Variants in PCDHGA7 observed in about 807,000 individuals in gnomAD.
PCDHGA7 encodes protocadherin gamma subfamily A, 7.
A neutral mutation model predicts 58.3 loss-of-function variants in PCDHGA7; 44 were observed. The ratio of observed to expected loss-of-function variants is 0.75; its 90% CI spans 0.59 to 0.97. PCDHGA7 has a LOEUF of 0.97. PCDHGA7 is among the 50% of genes least tolerant of loss of function. The pLI, the probability that PCDHGA7 is intolerant of heterozygous loss-of-function variation, is 0.00. For missense variants in PCDHGA7, 1,266 were observed against 1,188.7 expected (o/e 1.06, Z -0.96); for synonymous variants, 516 against 504.2 (o/e 1.02, Z -0.31).
At chr5:141,419,359 G>C (rs1257423360) in intron 1 of PCDHGA7, 1 of 1,613,796 alleles carries the variant, frequency 6.2e-7, no homozygotes. Flanking sequence ...AGTCACGAAC[G>C]CTGTCGTCCT....
chr5:141,491,542 G>T lies in PCDHGA7; in HGVS notation c.2425-3265G>T, dbSNP rs112433306. The T allele has an allele frequency of 6.2e-7, 1 of 1,613,898 alleles. No homozygotes were observed. Among genetic ancestry groups the T allele is most frequent in the Admixed American group, 1.7e-5 (1 of 60,006 alleles). On this transcript the variant is annotated intron_variant, in intron 1 of 3. Transcript: ENST00000518325. This position sits in a 1 kb window ranked among gnomAD's most constrained non-coding sequence, Gnocchi z 6.9. ...CATGGAGGTGACGCTGCGGCCCACA[G>T]ACTCGCAGAGCCACTGCTACAGGAC...
intron 1 of PCDHGA7, chr5:141,422,614 C>T (rs1207238896): frequency 6.2e-7 from 1 of 1,613,812 alleles, no homozygotes; most frequent in South Asian, 1.1e-5. Flanking sequence ...TGCCTACATT[C>T]CCGAAAACAA....
In PCDHGA7 at chr5:141,383,263, G is replaced by C; in HGVS notation, c.364G>C (p.Glu122Gln). The change falls in exon 1 of 4, where the codon GAA becomes CAA. Residue 122 changes from glutamate to glutamine, a missense_variant. Glu to Gln is a conservative substitution (Grantham distance 29). Coordinates refer to ENST00000518325, the MANE Select transcript of PCDHGA7 (RefSeq NM_018920.4). ...AATGAATCTTTACCCTATAGACGTG[G>C]AAATAATAGATATTAATGACAACGT... is the stretch of plus-strand genomic sequence containing the variant. Reference protein sequence around the residue: ...DKMNLYPIDVEIIDINDNVPR... With the variant: ...DKMNLYPIDVQIIDINDNVPR... 3 of 1,613,926 alleles carry C rather than the reference G, an allele frequency of 1.9e-6. No homozygotes were observed. The highest frequency in any genetic ancestry group is 2.5e-6 in the Non-Finnish European group (3 of 1,179,890).
chr5:141,410,909 A>G lies in PCDHGA7; in HGVS notation c.2424+25586A>G, dbSNP rs183334545. Reference sequence around the variant, plus strand: ...CGCACTGTTGCCTAGGCTGGAGTGCAGTGGCGTGATCTCTGCTCACTGCAA... The same window carrying G: ...CGCACTGTTGCCTAGGCTGGAGTGCGGTGGCGTGATCTCTGCTCACTGCAA... On this transcript the variant is annotated intron_variant, in intron 1 of 3. Coordinates refer to ENST00000518325, the MANE Select transcript of PCDHGA7 (RefSeq NM_018920.4). 188 of 259,978 alleles carry G rather than the reference A, an allele frequency of 7.2e-4. 1 individual carries two copies. Among genetic ancestry groups the G allele is most frequent in the African/African-American group, 5.3e-3 (172 of 32,394 alleles). The allele number at this position is 259,978 out of a possible 1,614,324, so 16.1% of individuals were successfully genotyped here.
chr5:141,393,931 A>G (rs2092877378), intron 1 of PCDHGA7: 6 of 1,614,002 alleles, frequency 3.7e-6, no homozygotes, highest in Middle Eastern at 1.6e-4. Flanking sequence ...AGTGTGCATG[A>G]CCAAGACTCT....
In PCDHGA7 at chr5:141,485,848, C is replaced by A; in HGVS notation, c.2425-8959C>A. The stretch of plus-strand genomic sequence containing the variant: ...GAGGGAACCCGCCGAGATCTGGCAC[C>A]GCAGAGCTCCGGGTATCCGTGCTGG... On this transcript the variant is annotated intron_variant, in intron 1 of 3. Transcript: ENST00000518325. This position sits in a 1 kb window ranked among gnomAD's most constrained non-coding sequence, Gnocchi z 5.7. 1 of 1,614,192 alleles carries A rather than the reference C, an allele frequency of 6.2e-7. No homozygotes were observed. The highest frequency in any genetic ancestry group is 8.5e-7 in the Non-Finnish European group (1 of 1,180,020).
chr5:141,450,985 C>T (rs533993975), intron 1 of PCDHGA7, among the ~76,000 whole-genome samples: 22 of 151,876 alleles, frequency 1.4e-4, no homozygotes, highest in African/African-American at 3.9e-4. Flanking sequence ...CCACCACACC[C>T]GGCTAATTTT....
At chr5:141,428,004 G>A in intron 1 of PCDHGA7, 1 of 1,601,732 alleles carries the variant, frequency 6.2e-7, no homozygotes, top group Non-Finnish European at 8.5e-7. Flanking sequence ...CGCACTCTTC[G>A]ATATAGTGCC....
intron 3 of PCDHGA7, among the ~76,000 whole-genome samples, chr5:141,507,893 G>C (rs750472786): frequency 2.2e-4 from 33 of 152,356 alleles, no homozygotes; most frequent in Non-Finnish European, 4.1e-4. Context: ...AGAGGTTCCT[G>C]AAGTCCAGCC....
intron 1 of PCDHGA7, chr5:141,422,335 C>T (rs1196951059): frequency 6.5e-7 from 1 of 1,549,804 alleles, no homozygotes; most frequent in Non-Finnish European, 8.7e-7. Flanking sequence ...GATTGCTCTT[C>T]TAAATGTGCA....
At position 141,476,455 on chromosome 5, in the gene PCDHGA7, G is replaced by A. The variant is rs572682842; in HGVS notation, c.2425-18352G>A. The A allele has an allele frequency of 1.2e-6, 2 of 1,614,034 alleles. No individual in the cohort carries two copies. The highest frequency in any genetic ancestry group is 2.2e-5 in the South Asian group (2 of 91,084). ...CTGTAACTCTGGAGTTGGTAGTGGA[G>A]AACCCGCTGGAGCTGTTCAGCGTGG... On this transcript the variant is annotated intron_variant, in intron 1 of 3. Coordinates refer to ENST00000518325, the MANE Select transcript of PCDHGA7 (RefSeq NM_018920.4). This position sits in a 1 kb window ranked among gnomAD's most constrained non-coding sequence, Gnocchi z 7.6.
intron 1 of PCDHGA7, among the ~76,000 whole-genome samples, chr5:141,469,739 A>G (rs1352751978): frequency 1.3e-5 from 2 of 152,262 alleles, no homozygotes; most frequent in African/African-American, 4.8e-5. Flanking sequence ...TACACACCTC[A>G]AAAATTACAA....
Position 141,489,429 on chromosome 5 carries a change from G to A in PCDHGA7, c.2425-5378G>A. 1 of 1,614,140 alleles carries A rather than the reference G, an allele frequency of 6.2e-7. No individual in the cohort carries two copies. Among genetic ancestry groups the A allele is most frequent in the Non-Finnish European group, 8.5e-7 (1 of 1,180,036 alleles). ...AGATGACAGATCTGTTGAGCCGGCG[G>A]CTGCAATTGGGCTCTGAGGAGAATG... On this transcript the variant is annotated intron_variant, in intron 1 of 3. Transcript: ENST00000518325. The surrounding 1 kb of genome is among the most constrained non-coding windows in gnomAD (Gnocchi z 4.5).
chr5:141,430,383 G>GAAA (rs139772145), intron 1 of PCDHGA7, among the ~76,000 whole-genome samples: 2 of 138,566 alleles, frequency 1.4e-5, no homozygotes, highest in South Asian at 4.6e-4. Flanking sequence ...AGCTCATTGG[G>GAAA]AAAAAAAAAA....
chr5:141,388,412 T>A, intron 1 of PCDHGA7: 1 of 1,613,870 alleles, frequency 6.2e-7, no homozygotes, highest in Non-Finnish European at 8.5e-7. Context: ...GTCCCAGTGA[T>A]CATTTCTCAC....
At chr5:141,410,767 G>T in intron 1 of PCDHGA7, 6 of 942,270 alleles carry the variant, frequency 6.4e-6, no homozygotes, top group South Asian at 2.2e-5. Context: ...TTCAATTATA[G>T]TTTTCACTAT....
At chr5:141,495,492 G>C (rs1321150765) in intron 2 of PCDHGA7, among the ~76,000 whole-genome samples, 1 of 152,148 alleles carries the variant, frequency 6.6e-6, no homozygotes, top group Non-Finnish European at 1.5e-5. Flanking sequence ...CCTTTTTCTT[G>C]AGTTTCCGTC....
rs775989253 is a variant in PCDHGA7 at position 141,491,769 on chromosome 5, G to A, written c.2425-3038G>A. On this transcript the variant is annotated intron_variant, in intron 1 of 3. Transcript: ENST00000518325. The surrounding 1 kb of genome is among the most constrained non-coding windows in gnomAD (Gnocchi z 6.9). ...CTGGAGAAGCCGCCCGTCCTCATAA[G>A]GGATTGAACTTGCATCCACTCCTCT... 6.4e-7 allele frequency: 1 copy of A among 1,562,376 alleles called. No homozygotes were observed. Among genetic ancestry groups the A allele is most frequent in the African/African-American group, 1.4e-5 (1 of 73,058 alleles).
At chr5:141,410,736 A>G (rs553799279) in intron 1 of PCDHGA7, 1 of 1,334,690 alleles carries the variant, frequency 7.5e-7, no homozygotes, top group East Asian at 2.4e-5. Flanking sequence ...ATAGCTTTTT[A>G]CAATATTTTC....
Sources: allele counts gnomAD v4.1 joint callset (sites outside exome capture counted in the v4.1 genomes callset), GRCh38; gene constraint gnomAD v4.1.1; non-coding constraint Gnocchi (gnomAD v3.1); transcripts MANE v1.5; gene names NCBI Gene and HGNC (gene_info 2026-07-23, HGNC 2026-07-21).